Variants in NCKAP1 observed in about 807,000 individuals in gnomAD.
The protein encoded by NCKAP1 is nck-associated protein 1.
A neutral mutation model predicts 151.2 loss-of-function variants in NCKAP1; 21 were observed. That is an observed-to-expected ratio of 0.14 (90% CI 0.10 to 0.20). The LOEUF is 0.20. Ranked by LOEUF, NCKAP1 falls within the 10% of genes least tolerant of loss-of-function variation. NCKAP1 has a pLI of 1.00. For synonymous variants in NCKAP1, 484 were observed against 451.8 expected (o/e 1.07, Z -0.90); for missense variants, 933 against 1,352.1 (o/e 0.69, Z 4.86).
At chr2:183,015,317 G>A (rs1698662799) in intron 2 of NCKAP1, among the ~76,000 whole-genome samples, 1 of 152,084 alleles carries the variant, frequency 6.6e-6, no homozygotes, top group South Asian at 2.1e-4. Flanking sequence ...AATTCTATAT[G>A]CAACTTTAGG....
intron 12 of NCKAP1, among the ~76,000 whole-genome samples, chr2:182,982,420 T>C (rs548572265): frequency 1.3e-5 from 2 of 151,910 alleles, no homozygotes; most frequent in Non-Finnish European, 2.9e-5. Context: ...TTGGATGTAC[T>C]ATCTTTCTAA....
At chr2:182,940,497 T>C (rs1308430297) in intron 24 of NCKAP1, among the ~76,000 whole-genome samples, 1 of 152,132 alleles carries the variant, frequency 6.6e-6, no homozygotes, top group Non-Finnish European at 1.5e-5. Flanking sequence ...TGTAGTGCAA[T>C]GGTGCTATCT....
chr2:182,968,040 C>A lies in NCKAP1; in HGVS notation c.1483-679G>T, dbSNP rs1042320007. On this transcript the variant is annotated intron_variant, in intron 15 of 30. Coordinates refer to ENST00000361354, the MANE Select transcript of NCKAP1 (RefSeq NM_013436.5). The stretch of plus-strand genomic sequence containing the variant: ...CCTACAGAATAAGTACTGTTTGTTA[C>A]GGCTAGAGTTTGAGTGCAAAGAAGA... Among the ~76,000 whole-genome samples, 7 of 152,180 alleles carry A rather than the reference C, an allele frequency of 4.6e-5. No homozygotes were observed. The East Asian group carries it at 1.4e-3, about 29-fold the overall frequency.
At chr2:182,964,530 G>A in intron 17 of NCKAP1, 146 bp downstream of exon 17, 1 of 500,936 alleles carries the variant, frequency 2.0e-6, no homozygotes, top group Non-Finnish European at 3.4e-6. Context: ...CTATGTATCT[G>A]TTCAAGCACT....
intron 16 of NCKAP1, among the ~76,000 whole-genome samples, chr2:182,965,323 A>T (rs565393418): frequency 1.5e-3 from 213 of 146,094 alleles, no homozygotes; most frequent in South Asian, 4.7e-3. Flanking sequence ...CATCAATTTT[A>T]TTTTTTTTTT....
intron 2 of NCKAP1, among the ~76,000 whole-genome samples, chr2:183,020,454 G>A (rs72888474): frequency 0.03 from 3,804 of 124,726 alleles, 75 homozygotes; most frequent in Non-Finnish European, 0.042. Flanking sequence ...AATAAAGCAG[G>A]ACCGTGTCCC....
At chr2:182,961,159 T>C (rs1264073016) in intron 18 of NCKAP1, among the ~76,000 whole-genome samples, 1 of 152,206 alleles carries the variant, frequency 6.6e-6, no homozygotes, top group African/African-American at 2.4e-5. Flanking sequence ...TCAACCATTG[T>C]GGAAGTCAGT....
rs1575015483 is a variant in NCKAP1 at position 182,935,321 on chromosome 2, C to T, written c.2750G>A (p.Arg917Gln). Reference sequence around the variant, plus strand: ...TCTAAGTGCTTCTTGTGCCAATGATCGGAAGGATAAAATTACACCAATTAT... The same window carrying T: ...TCTAAGTGCTTCTTGTGCCAATGATTGGAAGGATAAAATTACACCAATTAT... ...MTIIGVILSF[R>Q]SLAQEALRDV... The change falls in exon 25 of 31, where the codon CGA becomes CAA. Residue 917 changes from arginine to glutamine, a missense_variant. Arg to Gln is a conservative substitution (Grantham distance 43). Coordinates refer to ENST00000361354, the MANE Select transcript of NCKAP1 (RefSeq NM_013436.5). 6 of 1,590,928 alleles carry T rather than the reference C, an allele frequency of 3.8e-6. No individual in the cohort carries two copies. The highest frequency in any genetic ancestry group is 2.7e-5 in the African/African-American group (2 of 73,420).
intron 24 of NCKAP1, among the ~76,000 whole-genome samples, chr2:182,940,249 G>A (rs1352860229): frequency 1.3e-5 from 2 of 151,856 alleles, no homozygotes; most frequent in African/African-American, 4.8e-5. Flanking sequence ...AAACTAATAA[G>A]AATAAAGGAG....
chr2:183,003,027 G>T lies in NCKAP1; in HGVS notation c.316C>A (p.His106Asn). 6.2e-7 allele frequency: 1 copy of T among 1,605,260 alleles called. No individual in the cohort carries two copies. Among genetic ancestry groups the T allele is most frequent in the South Asian group, 1.1e-5 (1 of 90,004 alleles). Residue 106 changes from histidine to asparagine, a missense_variant, in exon 4 of 31, where the codon CAT (histidine) becomes AAT (asparagine). Physicochemically the swap from His to Asn is moderately conservative, Grantham distance 68. This residue lies in a region of NCKAP1 where 607 missense variants were observed against 795.0 expected (regional missense o/e 0.76). Coordinates refer to ENST00000361354, the MANE Select transcript of NCKAP1 (RefSeq NM_013436.5). ...TFVDVMEFKD[H>N]VCELLNTIDV... ...ATAGTATTCAGCAATTCACAAACAT[G>T]GTCCTGAAAAGAAATACTTATTTTA...
chr2:183,026,487 T>TA (rs58384257), intron 1 of NCKAP1, among the ~76,000 whole-genome samples: 2,455 of 92,984 alleles, frequency 0.026, 55 homozygotes, highest in African/African-American at 0.083. Flanking sequence ...AACTAAAAAC[T>TA]AAAAAAAAAA....
intron 18 of NCKAP1, 132 bp from the exon 19 acceptor site, chr2:182,957,728 A>G: frequency 1.0e-6 from 1 of 979,300 alleles, no homozygotes; most frequent in African/African-American, 1.7e-5. Flanking sequence ...CAGAAATATA[A>G]GTGAGATACA....
chr2:183,023,454 T>C (rs1698832950), intron 2 of NCKAP1, among the ~76,000 whole-genome samples: 1 of 152,154 alleles, frequency 6.6e-6, no homozygotes, highest in South Asian at 2.1e-4. Context: ...TGCAGACATT[T>C]ACTAACTTCA....
chr2:182,937,308 G>A (rs1386910590), intron 24 of NCKAP1, among the ~76,000 whole-genome samples: 1 of 152,010 alleles, frequency 6.6e-6, no homozygotes, highest in African/African-American at 2.4e-5. Context: ...ATACTTCACA[G>A]TAAGAAACAC....
At chr2:183,020,298 A>G (rs1236703646) in intron 2 of NCKAP1, among the ~76,000 whole-genome samples, 1 of 151,804 alleles carries the variant, frequency 6.6e-6, no homozygotes. Flanking sequence ...CCCCATGTCT[A>G]CAAAATATAC....
chr2:182,989,003 A>T, intron 9 of NCKAP1, 27 bp downstream of exon 9: 2 of 1,594,772 alleles, frequency 1.3e-6, no homozygotes, highest in Middle Eastern at 1.7e-4. Context: ...TTCTCCAAAA[A>T]AGACAAAATA....
rs774383998 is a variant in NCKAP1 at position 182,995,871 on chromosome 2, A to G, written c.604-33T>C. The stretch of plus-strand genomic sequence containing the variant: ...AAATACGAAAAAAAAGCTGAAGAAT[A>G]ATTTTCTTTCCTTTTCTGTTTACAT... On this transcript the variant is annotated intron_variant, in intron 6 of 30. Transcript: ENST00000361354. 5 of 1,567,778 alleles carry G rather than the reference A, an allele frequency of 3.2e-6. No individual in the cohort carries two copies. The East Asian group carries it at 1.1e-4, about 35-fold the overall frequency.
intron 2 of NCKAP1, among the ~76,000 whole-genome samples, chr2:183,012,882 C>T (rs1698615953): frequency 6.6e-6 from 1 of 151,536 alleles, no homozygotes; most frequent in Admixed American, 6.6e-5. Flanking sequence ...ACCTCAGTCT[C>T]CCAAAGTGCT....
intron 1 of NCKAP1, among the ~76,000 whole-genome samples, 174 bp downstream of exon 1, chr2:183,037,818 G>A (rs1035622686): frequency 7.5e-4 from 114 of 151,914 alleles, no homozygotes; most frequent in African/African-American, 2.7e-3. Context: ...AGAGGCGCCC[G>A]GGACTCCGCA....
Sources: gnomAD v4.1 joint callset for allele counts (sites outside exome capture counted in the v4.1 genomes callset) on GRCh38, gnomAD v4.1.1 for gene constraint, gnomAD v4.1.1 regional missense constraint, MANE v1.5 for transcripts, NCBI Gene and HGNC (gene_info 2026-07-23, HGNC 2026-07-21) for gene names.